PIAS4: variants seen among roughly 807,000 people sequenced by gnomAD.
PIAS4 encodes E3 SUMO-protein ligase PIAS4.
Under a neutral mutation model 58.0 loss-of-function variants are expected in PIAS4, and 7 were observed. The observed-to-expected ratio is 0.12, with a 90% CI of 0.07 to 0.23. The LOEUF is 0.23. PIAS4 is among the 10% of genes least tolerant of loss of function. The pLI is 1.00. For synonymous variants in PIAS4, 364 were observed against 312.4 expected (o/e 1.17, Z -1.74); for missense variants, 550 against 709.5 (o/e 0.78, Z 2.55).
At position 4,028,867 on chromosome 19, in the gene PIAS4, GC is replaced by G; in HGVS notation, c.801+22del. ...CGGCAAGGTGAGTGCGTGCCCGGGT[GC>G]CCACCCTGCCCCCCAACCCCGGCCC... On this transcript the variant is annotated intron_variant, in intron 6 of 10. Transcript: ENST00000262971. 1 of 1,613,004 alleles carries G rather than the reference GC, an allele frequency of 6.2e-7. No homozygotes were observed. Among genetic ancestry groups the G allele is most frequent in the Non-Finnish European group, 8.5e-7 (1 of 1,179,796 alleles).
chr19:4,026,964 C>T (rs1220031136), intron 3 of PIAS4, among the ~76,000 whole-genome samples: 1 of 152,098 alleles, frequency 6.6e-6, no homozygotes, highest in Non-Finnish European at 1.5e-5. Flanking sequence ...TCTCCTGCCT[C>T]AGCCTCCCAA....
chr19:4,027,428 T>C (rs1457528128), intron 3 of PIAS4, among the ~76,000 whole-genome samples: 1 of 152,224 alleles, frequency 6.6e-6, no homozygotes, highest in Non-Finnish European at 1.5e-5. Context: ...GGAAGGACAC[T>C]CAGGATGCTG....
intron 9 of PIAS4, among the ~76,000 whole-genome samples, chr19:4,036,847 C>T (rs2144947735): frequency 6.6e-6 from 1 of 152,150 alleles, no homozygotes; most frequent in South Asian, 2.1e-4. Context: ...CACACACGCC[C>T]ACACCCGCAT....
intron 3 of PIAS4, among the ~76,000 whole-genome samples, chr19:4,026,571 A>AT (rs1568217377): frequency 3.0e-4 from 10 of 33,428 alleles, no homozygotes; most frequent in Non-Finnish European, 6.7e-4. Context: ...AGTCATGTCC[A>AT]TCCCCAGCAG....
At chr19:4,012,447 G>A (rs944615877) in intron 1 of PIAS4, among the ~76,000 whole-genome samples, 6 of 152,092 alleles carry the variant, frequency 3.9e-5, no homozygotes, top group Non-Finnish European at 5.9e-5. Flanking sequence ...TACCGTTGGC[G>A]AGACCGAAGG....
intron 2 of PIAS4, among the ~76,000 whole-genome samples, chr19:4,014,582 CAGT>C: frequency 6.6e-6 from 1 of 152,316 alleles, no homozygotes; most frequent in Non-Finnish European, 1.5e-5. Flanking sequence ...TTCCTTCGCA[CAGT>C]AAACATCGGA....
chr19:4,028,854 T>C lies in PIAS4; in HGVS notation c.801+6T>C, dbSNP rs762198038. The C allele has an allele frequency of 1.2e-6, 2 of 1,613,050 alleles. No homozygotes were observed. Among genetic ancestry groups the C allele is most frequent in the South Asian group, 2.2e-5 (2 of 91,062 alleles). On this transcript the variant is annotated splice_donor_region_variant and intron_variant, in intron 6 of 10. Transcript: ENST00000262971. ...CCTGGGGGAACTACGGCAAGGTGAGTGCGTGCCCGGGTGCCCACCCTGCCC... is the reference window on the plus strand; with the variant it reads ...CCTGGGGGAACTACGGCAAGGTGAGCGCGTGCCCGGGTGCCCACCCTGCCC...
intron 2 of PIAS4, among the ~76,000 whole-genome samples, chr19:4,021,333 G>T (rs2040106762): frequency 1.3e-5 from 2 of 151,988 alleles, no homozygotes. Context: ...ATTTTTAGTA[G>T]AGATGGGGTT....
rs778015695 is a variant in PIAS4, at chr19:4,033,450, C to T, written c.1012C>T (p.Arg338Trp). 1 of 1,562,576 alleles carries T rather than the reference C, an allele frequency of 6.4e-7. No individual in the cohort carries two copies. Among genetic ancestry groups the T allele is most frequent in the East Asian group, 2.4e-5 (1 of 42,146 alleles). The change falls in exon 9 of 11, where the codon CGG becomes TGG. Residue 338 changes from arginine (R) to tryptophan (W), a missense_variant. Transcript: ENST00000262971. ...GAAGATGCGGCTCTCCGTGCCCTGC[C>T]GGGCAGAGACCTGTGCCCACCTGCA... ...LVKMRLSVPC[R>W]AETCAHLQCF...
At chr19:4,012,631 C>G (rs2040007209) in intron 1 of PIAS4, among the ~76,000 whole-genome samples, 1 of 152,082 alleles carries the variant, frequency 6.6e-6, no homozygotes. Flanking sequence ...CCTGGGGATG[C>G]TTTCAGGCTG....
At chr19:4,014,453 G>A (rs773340281) in intron 2 of PIAS4, among the ~76,000 whole-genome samples, 45 of 152,138 alleles carry the variant, frequency 3.0e-4, no homozygotes, top group Admixed American at 2.6e-4. Flanking sequence ...GATAGGGAGC[G>A]GAACGTCCTG....
At chr19:4,023,353 G>A (rs919570082) in intron 2 of PIAS4, among the ~76,000 whole-genome samples, 17 of 151,966 alleles carry the variant, frequency 1.1e-4, no homozygotes, top group African/African-American at 3.1e-4. Context: ...GTGGCTATTC[G>A]GGAGGTTGAG....
intron 2 of PIAS4, among the ~76,000 whole-genome samples, chr19:4,018,230 G>A (rs767432056): frequency 3.3e-5 from 5 of 152,228 alleles, no homozygotes; most frequent in Admixed American, 6.5e-5. Context: ...CCTGCTGCCC[G>A]AGTGGGCCGC....
At position 4,037,996 on chromosome 19, in the gene PIAS4, A is replaced by G. The variant is rs1599237383; in HGVS notation, c.*121A>G. 17 of 1,118,958 alleles carry G rather than the reference A, an allele frequency of 1.5e-5. No homozygotes were observed. The East Asian group carries it at 4.2e-4, about 28-fold the overall frequency. 69.3% of individuals were successfully genotyped at this position (1,118,958 alleles called of 1,614,324 possible). A position where few individuals can be genotyped will look rare whatever the true frequency, so the allele number is the denominator to read the frequency against. On this transcript the variant is annotated 3_prime_UTR_variant, in exon 11 of 11. Coordinates refer to ENST00000262971, the MANE Select transcript of PIAS4 (RefSeq NM_015897.4). This position sits in a 1 kb window ranked among gnomAD's most constrained non-coding sequence, Gnocchi z 5.8. ...TTATTGTCGTTCGTTTTGTTTTTCC[A>G]CCCTTTTGCCTGGCTCCTGGCACCT...
chr19:4,028,264 A>G (rs1388956075), intron 4 of PIAS4, 77 bp downstream of exon 4: 5 of 996,762 alleles, frequency 5.0e-6, no homozygotes, highest in Non-Finnish European at 6.7e-6. Context: ...GTCCTGGCCC[A>G]GGCCCTTCTC....
chr19:4,008,387 G>T (rs74465590), intron 1 of PIAS4, among the ~76,000 whole-genome samples: 2 of 151,932 alleles, frequency 1.3e-5, no homozygotes, highest in South Asian at 4.1e-4. Flanking sequence ...GACACGGCAC[G>T]TCCTCTTGGG....
chr19:4,031,721 A>G lies in PIAS4; in HGVS notation c.908-1379A>G, dbSNP rs753677991. ...GAAGGGGTCTCCTGCTGCTTCCCAC[A>G]GCCGGCCCCAGGCTCAGCCTCTCTG... On this transcript the variant is annotated intron_variant, in intron 7 of 10. Transcript: ENST00000262971. 4.3e-4 allele frequency among the ~76,000 whole-genome samples: 65 copies of G among 152,128 alleles called. 1 individual carries two copies. Among genetic ancestry groups the G allele is most frequent in the Non-Finnish European group, 6.9e-4 (47 of 67,902 alleles).
intron 3 of PIAS4, among the ~76,000 whole-genome samples, chr19:4,025,785 C>G (rs1428938191): frequency 1.3e-5 from 2 of 152,110 alleles, no homozygotes; most frequent in African/African-American, 4.8e-5. Flanking sequence ...ATAAAAAAAT[C>G]AGTTTGGGCT....
In PIAS4 at chr19:4,021,748, T is replaced by C. The variant is rs554445356; in HGVS notation, c.455-2288T>C. On this transcript the variant is annotated intron_variant, in intron 2 of 10. Transcript: ENST00000262971. ...GGACCTGCATTTTCTTTTTCTTTTT[T>C]TTTTTTTTTTTTTTTGAGATGGGGT... Among the ~76,000 whole-genome samples the C allele has an allele frequency of 2.5e-3, 360 of 146,132 alleles. 1 individual carries two copies. Among genetic ancestry groups the C allele is most frequent in the East Asian group, 7.3e-3 (37 of 5,074 alleles).
Sources: allele counts gnomAD v4.1 joint callset (sites outside exome capture counted in the v4.1 genomes callset), GRCh38; gene constraint gnomAD v4.1.1; non-coding constraint Gnocchi (gnomAD v3.1); transcripts MANE v1.5; gene names NCBI Gene and HGNC (gene_info 2026-07-23, HGNC 2026-07-21).